The following OXR1 variants were observed in gnomAD, a reference collection of about 807,000 sequenced individuals.
The protein encoded by OXR1 is oxidation resistance 1.
OXR1 carries 41 observed loss-of-function variants against 104.6 expected under a neutral mutation model. The ratio of observed to expected loss-of-function variants is 0.39; its 90% CI spans 0.31 to 0.51. The LOEUF (loss-of-function observed/expected upper bound fraction) is 0.51, where lower values mean the gene tolerates loss of function less well. OXR1 is among the 20% of genes least tolerant of loss of function. OXR1 has a pLI of 0.77. For synonymous variants in OXR1, 348 were observed against 348.4 expected (o/e 1.00, Z 0.01); for missense variants, 955 against 1,031.9 (o/e 0.93, Z 1.02).
chr8:106,425,816 C>A (rs1157143483), intron 2 of OXR1, among the ~76,000 whole-genome samples: 1 of 152,138 alleles, frequency 6.6e-6, no homozygotes, highest in African/African-American at 2.4e-5. Context: ...TCTTTTTATT[C>A]ATTCATTCAA....
chr8:106,437,390 G>A (rs1484065779), intron 2 of OXR1, among the ~76,000 whole-genome samples: 1 of 152,038 alleles, frequency 6.6e-6, no homozygotes, highest in Non-Finnish European at 1.5e-5. Context: ...CCAAAATAAA[G>A]GATATTTAGC....
intron 1 of OXR1, among the ~76,000 whole-genome samples, chr8:106,333,359 T>G (rs985734030): frequency 6.6e-6 from 1 of 152,116 alleles, no homozygotes; most frequent in African/African-American, 2.4e-5. Flanking sequence ...GTTGTAATAA[T>G]TTTTCATATA....
At chr8:106,333,253 C>T (rs903684956) in intron 1 of OXR1, among the ~76,000 whole-genome samples, 1 of 152,076 alleles carries the variant, frequency 6.6e-6, no homozygotes, top group Non-Finnish European at 1.5e-5. Context: ...ATTTTACATT[C>T]TCAGCAATAT....
chr8:106,354,491 C>T (rs1815875438), intron 1 of OXR1, among the ~76,000 whole-genome samples: 1 of 152,066 alleles, frequency 6.6e-6, no homozygotes, highest in Non-Finnish European at 1.5e-5. Context: ...CCAATGGACC[C>T]TTGGATATCC....
intron 2 of OXR1, among the ~76,000 whole-genome samples, chr8:106,389,000 T>A (rs114423183): frequency 7.6e-4 from 116 of 152,340 alleles, no homozygotes; most frequent in African/African-American, 2.7e-3. Context: ...ATCAGAGCCA[T>A]GGGAACTGAG....
chr8:106,406,185 G>C (rs962345481), intron 2 of OXR1, among the ~76,000 whole-genome samples: 4 of 152,074 alleles, frequency 2.6e-5, no homozygotes, highest in African/African-American at 9.7e-5. Context: ...AGTACCTGGA[G>C]CACAGTCTGT....
chr8:106,710,438 A>G (rs912282118), intron 9 of OXR1, among the ~76,000 whole-genome samples, 184 bp from the exon 10 acceptor site: 1 of 152,036 alleles, frequency 6.6e-6, no homozygotes, highest in Admixed American at 6.6e-5. Context: ...AAGTTTAGTC[A>G]TGTTGTATCT....
intron 2 of OXR1, among the ~76,000 whole-genome samples, chr8:106,511,857 T>C (rs926064612): frequency 6.6e-6 from 1 of 152,162 alleles, no homozygotes; most frequent in South Asian, 2.1e-4. Context: ...GTATTTCAGC[T>C]TTTCTACTTT....
chr8:106,588,099 C>T (rs1426511781), intron 3 of OXR1, among the ~76,000 whole-genome samples: 1 of 151,654 alleles, frequency 6.6e-6, no homozygotes, highest in Non-Finnish European at 1.5e-5. Context: ...CTACAGGCAC[C>T]CGCCACCACG....
At chr8:106,363,604 C>A (rs749801763) in intron 2 of OXR1, among the ~76,000 whole-genome samples, 73 of 150,284 alleles carry the variant, frequency 4.9e-4, no homozygotes, top group Non-Finnish European at 9.4e-4. Context: ...TGATACTTTG[C>A]CATCTTCTGT....
chr8:106,568,189 T>G (rs558402811), intron 3 of OXR1, among the ~76,000 whole-genome samples: 1 of 152,256 alleles, frequency 6.6e-6, no homozygotes, highest in South Asian at 2.1e-4. Flanking sequence ...TAAATCTTGC[T>G]TTCTCACTTC....
rs115972659 is a variant in OXR1 at position 106,708,179 on chromosome 8, C to A, written c.1624+1034C>A. 3.1e-3 allele frequency among the ~76,000 whole-genome samples: 474 copies of A among 152,074 alleles called. 4 individuals carry two copies. Among genetic ancestry groups the A allele is most frequent in the African/African-American group, 0.011 (458 of 41,482 alleles). On this transcript the variant is annotated intron_variant, in intron 9 of 16. Coordinates refer to ENST00000517566, the MANE Select transcript of OXR1 (RefSeq NM_001198533.2). ...GGCTGAGGCAGGCAGATTGCTTGAACCTAGGAGTTGGAGAACAGCTTGGGC... is the reference window on the plus strand; with the variant it reads ...GGCTGAGGCAGGCAGATTGCTTGAAACTAGGAGTTGGAGAACAGCTTGGGC...
At chr8:106,551,148 GA>G (rs1815769600) in intron 3 of OXR1, among the ~76,000 whole-genome samples, 1 of 152,224 alleles carries the variant, frequency 6.6e-6, no homozygotes, top group Non-Finnish European at 1.5e-5. Flanking sequence ...TTAACATCAA[GA>G]GCAGTTACAT....
intron 11 of OXR1, among the ~76,000 whole-genome samples, chr8:106,730,897 G>A (rs1030888755): frequency 1.3e-5 from 2 of 151,532 alleles, no homozygotes; most frequent in African/African-American, 4.8e-5. Context: ...AAAAAAGAAA[G>A]AAAGAAAAAA....
chr8:106,713,710 T>C, intron 10 of OXR1, 113 bp from the exon 11 acceptor site: 1 of 571,944 alleles, frequency 1.7e-6, no homozygotes, highest in Admixed American at 3.1e-5. Flanking sequence ...TAAAACAATA[T>C]ATTTTGTGTA....
chr8:106,489,833 A>C (rs1219163009), intron 2 of OXR1, among the ~76,000 whole-genome samples: 1 of 152,196 alleles, frequency 6.6e-6, no homozygotes, highest in Non-Finnish European at 1.5e-5. Flanking sequence ...TTGGGAAAAT[A>C]ATTTAACCTT....
intron 2 of OXR1, among the ~76,000 whole-genome samples, chr8:106,507,996 T>A (rs1229888953): frequency 6.6e-6 from 1 of 152,204 alleles, no homozygotes; most frequent in Admixed American, 6.5e-5. Flanking sequence ...TTTTGGGACC[T>A]GATGGCCCTC....
intron 11 of OXR1, among the ~76,000 whole-genome samples, chr8:106,734,149 G>T (rs1289258136): frequency 6.6e-6 from 1 of 151,918 alleles, no homozygotes; most frequent in African/African-American, 2.4e-5. Flanking sequence ...GTAGAGACGA[G>T]ATTTCTCCAT....
intron 1 of OXR1, among the ~76,000 whole-genome samples, chr8:106,270,900 C>T (rs1811773067): frequency 6.6e-6 from 1 of 151,924 alleles, no homozygotes; most frequent in Admixed American, 6.6e-5. Context: ...CAGTGGGCTC[C>T]GGAGGGGCGA....
Sources: gnomAD v4.1 joint callset for allele counts (sites outside exome capture counted in the v4.1 genomes callset) on GRCh38, gnomAD v4.1.1 for gene constraint, MANE v1.5 for transcripts, NCBI Gene and HGNC (gene_info 2026-07-23, HGNC 2026-07-21) for gene names.